PPFIA1: variants seen among roughly 807,000 people sequenced by gnomAD.
PPFIA1 encodes the protein liprin-alpha-1.
Under a neutral mutation model 149.9 loss-of-function variants are expected in PPFIA1, and 25 were observed. That is an observed-to-expected ratio of 0.17 (90% CI 0.12 to 0.23). PPFIA1 has a LOEUF of 0.23. PPFIA1 is among the 10% of genes least tolerant of loss of function. The pLI is 1.00. For missense variants in PPFIA1, 1,362 were observed against 1,506.5 expected (o/e 0.90, Z 1.59); for synonymous variants, 549 against 552.8 (o/e 0.99, Z 0.10).
At position 70,333,626 on chromosome 11, in the gene PPFIA1, A is replaced by G. The variant is rs530902743; in HGVS notation, c.1296+73A>G. On this transcript the variant is annotated intron_variant, in intron 10 of 27. Coordinates refer to ENST00000253925, the MANE Select transcript of PPFIA1 (RefSeq NM_003626.5). ...GTCATTGCTCGGCTGTGGGGAGCTC[A>G]GGGCCTCCCACCCCTGACTGAGATG... The G allele has an allele frequency of 2.1e-4, 249 of 1,169,212 alleles. No individual in the cohort carries two copies. The African/African-American group carries it at 3.3e-3, about 15-fold the overall frequency. 72.4% of individuals were successfully genotyped at this position (1,169,212 alleles called of 1,614,324 possible).
At chr11:70,287,396 C>G (rs1035148076) in intron 2 of PPFIA1, among the ~76,000 whole-genome samples, 1 of 152,108 alleles carries the variant, frequency 6.6e-6, no homozygotes, top group Admixed American at 6.6e-5. Context: ...TAGCTACAAC[C>G]AAGTAATTTG....
intron 2 of PPFIA1, among the ~76,000 whole-genome samples, chr11:70,286,845 C>G (rs551799455): frequency 6.6e-6 from 1 of 150,562 alleles, no homozygotes; most frequent in South Asian, 2.1e-4. Context: ...ATGCTCCTAC[C>G]TCAGCCTTCT....
intron 2 of PPFIA1, among the ~76,000 whole-genome samples, chr11:70,297,782 G>A (rs1433213254): frequency 6.6e-6 from 1 of 152,186 alleles, no homozygotes; most frequent in Non-Finnish European, 1.5e-5. Context: ...CTCCGAGGTT[G>A]TCACCAGCAG....
At chr11:70,342,669 A>G (rs2055407488) in intron 14 of PPFIA1, among the ~76,000 whole-genome samples, 6 of 152,010 alleles carry the variant, frequency 3.9e-5, no homozygotes, top group Admixed American at 3.9e-4. Context: ...CACTTATGAA[A>G]TTTACGGCAA....
chr11:70,361,660 G>A (rs1165906845), intron 19 of PPFIA1, among the ~76,000 whole-genome samples: 1 of 151,552 alleles, frequency 6.6e-6, no homozygotes, highest in Admixed American at 6.6e-5. Context: ...CTGTTGCCTA[G>A]GCTGGAGTGC....
intron 11 of PPFIA1, 145 bp downstream of exon 11, chr11:70,335,839 C>A: frequency 1.1e-6 from 1 of 881,148 alleles, no homozygotes; most frequent in Non-Finnish European, 1.7e-6. Flanking sequence ...AAGGTATGCA[C>A]AGTTATCCAG....
chr11:70,376,737 G>C (rs1455360066), intron 25 of PPFIA1, 137 bp downstream of exon 25: 3 of 812,608 alleles, frequency 3.7e-6, no homozygotes, highest in Admixed American at 4.5e-5. Flanking sequence ...TTAGAAGTCA[G>C]GCTTTGCTCT....
chr11:70,375,181 TAAA>T (rs372735947), intron 24 of PPFIA1, 88 bp downstream of exon 24: 19 of 141,552 alleles, frequency 1.3e-4, no homozygotes, highest in African/African-American at 2.6e-4. Flanking sequence ...AAAGAAACTT[TAAA>T]AAAAAAAAAA....
At chr11:70,293,616 G>T (rs939499311) in intron 2 of PPFIA1, among the ~76,000 whole-genome samples, 11 of 152,122 alleles carry the variant, frequency 7.2e-5, no homozygotes, top group Non-Finnish European at 1.2e-4. Context: ...GGCGTCTTCT[G>T]GTCTGCCATC....
rs539754851 is a variant in PPFIA1, at chr11:70,303,541, G to A, written c.265-20861G>A. 2.6e-5 allele frequency among the ~76,000 whole-genome samples: 4 copies of A among 152,274 alleles called. No homozygotes were observed. In the East Asian group the frequency reaches 5.8e-4, roughly 22 times the overall value. Reference sequence around the variant, plus strand: ...GTGAACTCTAAAGCCATTCCTGAGCGGTGCCAAGTGTGATATTGTAGCATA... The same window carrying A: ...GTGAACTCTAAAGCCATTCCTGAGCAGTGCCAAGTGTGATATTGTAGCATA... On this transcript the variant is annotated intron_variant, in intron 2 of 27. Coordinates refer to ENST00000253925, the MANE Select transcript of PPFIA1 (RefSeq NM_003626.5).
chr11:70,339,428 T>C lies in PPFIA1; in HGVS notation c.1707+122T>C, dbSNP rs2055177250. 5.1e-6 allele frequency: 6 copies of C among 1,175,096 alleles called. No homozygotes were observed. The South Asian group carries it at 1.0e-4, about 20-fold the overall frequency. 72.8% of individuals were successfully genotyped at this position (1,175,096 alleles called of 1,614,324 possible). ...TTGCTTTCTTGCCCTCCTCTCATTT[T>C]CTATTTTCTGACTAAGAGTTTAGCT... On this transcript the variant is annotated intron_variant, in intron 14 of 27. Transcript: ENST00000253925.
At chr11:70,280,525 C>T (rs555545653) in intron 2 of PPFIA1, among the ~76,000 whole-genome samples, 163 of 152,200 alleles carry the variant, frequency 1.1e-3, no homozygotes, top group Non-Finnish European at 1.5e-3. Context: ...GCCAAGATCA[C>T]GCCATTGCAC....
intron 2 of PPFIA1, among the ~76,000 whole-genome samples, chr11:70,302,467 AGCACACTGCG>A (rs1017870424): frequency 6.6e-6 from 1 of 152,128 alleles, no homozygotes; most frequent in African/African-American, 2.4e-5. Context: ...GGGCAGAGGG[AGCACACTGCG>A]GCAACAGAGC....
At chr11:70,315,103 T>C (rs1401718396) in intron 2 of PPFIA1, among the ~76,000 whole-genome samples, 1 of 152,132 alleles carries the variant, frequency 6.6e-6, no homozygotes, top group Non-Finnish European at 1.5e-5. Flanking sequence ...CCTCAACACA[T>C]GGGAATTAGG....
intron 19 of PPFIA1, 141 bp downstream of exon 19, chr11:70,356,395 C>T (rs143929392): frequency 2.4e-5 from 16 of 668,204 alleles, no homozygotes; most frequent in South Asian, 7.9e-5. Context: ...TTAATTAAGC[C>T]GTACTTTCTG....
In PPFIA1 at chr11:70,378,116, A is replaced by AGG; in HGVS notation, c.3472_3473insGG (p.Glu1158GlyfsTer10). 6 of 1,614,214 alleles carry AGG rather than the reference A, an allele frequency of 3.7e-6. No homozygotes were observed. The highest frequency in any genetic ancestry group is 5.1e-6 in the Non-Finnish European group (6 of 1,180,044). ...TTCGTGGCTTAGCTGCTGGGTCAGCAGAGACTCTCCCTGCAAACTTCCGGG... is the reference window on the plus strand; with the variant it reads ...TTCGTGGCTTAGCTGCTGGGTCAGCAGGGAGACTCTCCCTGCAAACTTCCGGG... On this transcript the variant is annotated frameshift_variant, in exon 26 of 28. Transcript: ENST00000253925. LOFTEE classifies it high-confidence loss of function.
intron 21 of PPFIA1, chr11:70,364,488 TCA>T (rs982500662): frequency 6.6e-6 from 1 of 152,220 alleles, no homozygotes; most frequent in Non-Finnish European, 1.5e-5. Context: ...ATGAAGAGCC[TCA>T]CACATTTCTC....
chr11:70,303,169 A>G (rs2052601775), intron 2 of PPFIA1, among the ~76,000 whole-genome samples: 1 of 152,094 alleles, frequency 6.6e-6, no homozygotes, highest in Admixed American at 6.5e-5. Context: ...TTCTTTCAGC[A>G]TTGCACTGTG....
intron 17 of PPFIA1, 126 bp from the exon 18 acceptor site, chr11:70,355,513 T>C: frequency 1.1e-6 from 1 of 919,494 alleles, no homozygotes; most frequent in Non-Finnish European, 1.6e-6. Context: ...TTATCATGCA[T>C]GATGCACTTG....
Sources: allele counts gnomAD v4.1 joint callset (sites outside exome capture counted in the v4.1 genomes callset), GRCh38; gene constraint gnomAD v4.1.1; transcripts MANE v1.5; gene names NCBI Gene and HGNC (gene_info 2026-07-23, HGNC 2026-07-21).